Variants in C10orf90 observed in about 807,000 individuals in gnomAD.
The protein encoded by C10orf90 is chromosome 10 open reading frame 90, also known as (E2-independent) E3 ubiquitin-conjugating enzyme FATS.
Under a neutral mutation model 62.5 loss-of-function variants are expected in C10orf90, and 56 were observed. The observed-to-expected ratio is 0.90, with a 90% CI of 0.72 to 1.12. The LOEUF (loss-of-function observed/expected upper bound fraction) is 1.12. Ranked by LOEUF, C10orf90 falls within the 50% of genes most tolerant of loss-of-function variation. The probability of loss-of-function intolerance (pLI) is 0.00; values close to 1 mark genes in which losing one functional copy is unlikely to be tolerated. For missense variants in C10orf90, 970 were observed against 880.4 expected, an observed-to-expected ratio of 1.10 and a Z score of -1.29; for synonymous variants, 386 against 340.4, an observed-to-expected ratio of 1.13 and a Z score of -1.47.
At chr10:126,544,631 T>TG (rs1001420154) in intron 2 of C10orf90, among the ~76,000 whole-genome samples, 3 of 151,926 alleles carry the variant, frequency 2.0e-5, no homozygotes, top group Admixed American at 6.6e-5. Context: ...AGAAAGATTA[T>TG]GTTAAATGAA....
At chr10:126,648,335 C>A (rs1159781090) in intron 1 of C10orf90, among the ~76,000 whole-genome samples, 1 of 152,128 alleles carries the variant, frequency 6.6e-6, no homozygotes, top group African/African-American at 2.4e-5. Context: ...GAGGAAGAAG[C>A]AAGAAGGCTC....
chr10:126,603,522 C>T (rs983027088), intron 2 of C10orf90, among the ~76,000 whole-genome samples: 3 of 152,060 alleles, frequency 2.0e-5, no homozygotes, highest in South Asian at 2.1e-4. Context: ...GCATGTCATC[C>T]GATGTTGTGG....
chr10:126,488,469 C>T (rs1232364948), intron 4 of C10orf90, among the ~76,000 whole-genome samples: 1 of 151,742 alleles, frequency 6.6e-6, no homozygotes, highest in Admixed American at 6.6e-5. Context: ...GGAACAAATA[C>T]AGGACAAAAT....
At chr10:126,464,170 A>T (rs1860151843) in intron 5 of C10orf90, among the ~76,000 whole-genome samples, 1 of 152,194 alleles carries the variant, frequency 6.6e-6, no homozygotes, top group Non-Finnish European at 1.5e-5. Flanking sequence ...TCCCCAGAGA[A>T]ATGATGACTG....
At chr10:126,650,750 A>G (rs746201630) in intron 1 of C10orf90, among the ~76,000 whole-genome samples, 7 of 152,202 alleles carry the variant, frequency 4.6e-5, no homozygotes, top group Admixed American at 2.0e-4. Flanking sequence ...GGTGACTAGG[A>G]CACATAGATT....
At chr10:126,547,222 A>T (rs1215954514) in intron 2 of C10orf90, among the ~76,000 whole-genome samples, 9 of 152,120 alleles carry the variant, frequency 5.9e-5, no homozygotes, top group Non-Finnish European at 1.0e-4. Context: ...GATCGAGACC[A>T]TCCTGGCTAA....
intron 2 of C10orf90, among the ~76,000 whole-genome samples, chr10:126,522,370 A>C (rs924312732): frequency 2.6e-5 from 4 of 152,252 alleles, no homozygotes; most frequent in African/African-American, 9.6e-5. Context: ...AAATGTGAGA[A>C]ACTGCATAAC....
At chr10:126,645,030 A>G (rs944008709) in intron 2 of C10orf90, among the ~76,000 whole-genome samples, 2 of 151,846 alleles carry the variant, frequency 1.3e-5, no homozygotes, top group Non-Finnish European at 2.9e-5. Flanking sequence ...CAAACACCGC[A>G]TATTCTCACT....
At chr10:126,547,410 C>T (rs1296868445) in intron 2 of C10orf90, among the ~76,000 whole-genome samples, 1 of 131,518 alleles carries the variant, frequency 7.6e-6, no homozygotes, top group South Asian at 2.5e-4. Flanking sequence ...CAGAGCAAGA[C>T]TGTCAAAAAA....
chr10:126,505,393 C>T (rs537146480), intron 3 of C10orf90, among the ~76,000 whole-genome samples: 2 of 152,146 alleles, frequency 1.3e-5, no homozygotes, highest in Non-Finnish European at 2.9e-5. Context: ...TAACCACCTC[C>T]GCCAAGCCCA....
At chr10:126,570,001 C>T (rs577438391) in intron 2 of C10orf90, among the ~76,000 whole-genome samples, 2 of 152,316 alleles carry the variant, frequency 1.3e-5, no homozygotes, top group African/African-American at 2.4e-5. Context: ...AATGATTCAT[C>T]GTAATCCTTG....
intron 2 of C10orf90, among the ~76,000 whole-genome samples, chr10:126,602,492 T>C (rs1845217000): frequency 1.3e-5 from 2 of 152,158 alleles, no homozygotes; most frequent in South Asian, 4.1e-4. Context: ...GTGGTTCCAC[T>C]GTGGAACTCC....
At chr10:126,658,974 T>C (rs964159485) in intron 1 of C10orf90, among the ~76,000 whole-genome samples, 4 of 152,170 alleles carry the variant, frequency 2.6e-5, no homozygotes, top group Non-Finnish European at 4.4e-5. Context: ...CCTGAATAAA[T>C]AGCCATTATT....
intron 3 of C10orf90, among the ~76,000 whole-genome samples, chr10:126,510,587 T>C (rs1207913871): frequency 6.6e-6 from 1 of 152,208 alleles, no homozygotes; most frequent in Non-Finnish European, 1.5e-5. Context: ...AGAGGTCAGA[T>C]GAGTGGCTGG....
chr10:126,484,634 G>A (rs765381863), intron 4 of C10orf90, among the ~76,000 whole-genome samples: 5 of 152,148 alleles, frequency 3.3e-5, no homozygotes, highest in Non-Finnish European at 5.9e-5. Flanking sequence ...ACATTACCAC[G>A]ATACTTTTTA....
chr10:126,667,052 GTTTGT>G (rs1591186713), intron 1 of C10orf90, among the ~76,000 whole-genome samples: 1 of 147,062 alleles, frequency 6.8e-6, no homozygotes, highest in South Asian at 2.2e-4. Context: ...ATTTTTTTTT[GTTTGT>G]TTTGTTTTGT....
intron 1 of C10orf90, among the ~76,000 whole-genome samples, chr10:126,668,812 C>T (rs1352683796): frequency 6.6e-6 from 1 of 151,958 alleles, no homozygotes; most frequent in East Asian, 1.9e-4. Context: ...ATAGTAGCAG[C>T]GTATTGGGCC....
At chr10:126,473,266 T>C (rs1487572879) in intron 4 of C10orf90, among the ~76,000 whole-genome samples, 2 of 152,188 alleles carry the variant, frequency 1.3e-5, no homozygotes. Context: ...TTACTCAGAA[T>C]CACTGAGCCC....
chr10:126,548,108 A>C (rs1864544056), intron 2 of C10orf90, among the ~76,000 whole-genome samples: 2 of 152,354 alleles, frequency 1.3e-5, no homozygotes, highest in South Asian at 4.1e-4. Context: ...ATGTGATGTG[A>C]AAGCCAAAGG....
Sources: gnomAD v4.1 joint callset for allele counts (sites outside exome capture counted in the v4.1 genomes callset) on GRCh38, gnomAD v4.1.1 for gene constraint, MANE v1.5 for transcripts, NCBI Gene and HGNC (gene_info 2026-07-23, HGNC 2026-07-21) for gene names.